The following GET1 variants were observed in gnomAD, a reference collection of about 807,000 sequenced individuals.
The protein encoded by GET1 is guided entry of tail-anchored proteins factor 1, also known as congenital heart disease 5 protein.
A neutral mutation model predicts 22.6 loss-of-function variants in GET1; 20 were observed. That is an observed-to-expected ratio of 0.89 (90% CI 0.62 to 1.29). GET1 has a LOEUF of 1.29. GET1 is among the 50% of genes most tolerant of loss of function. The pLI is 0.00. For missense variants in GET1, 209 were observed against 219.9 expected (o/e 0.95, Z 0.31); for synonymous variants, 92 against 83.8 (o/e 1.10, Z -0.53).
At chr21:39,398,421 C>T (rs187962660), downstream of GET1, among the ~76,000 whole-genome samples, 141 of 152,176 alleles carry the variant, frequency 9.3e-4, no homozygotes, top group Middle Eastern at 3.4e-3. Flanking sequence ...TGATGATACC[C>T]GTATCTCTTA....
downstream of GET1, among the ~76,000 whole-genome samples, chr21:39,399,115 C>T (rs1393421808): frequency 6.6e-6 from 1 of 152,240 alleles, no homozygotes; most frequent in East Asian, 1.9e-4. Flanking sequence ...AAATGTGCAT[C>T]TTACGACTCT....
intron 1 of GET1, among the ~76,000 whole-genome samples, chr21:39,418,521 G>C (rs1387219979): frequency 6.6e-6 from 1 of 151,334 alleles, no homozygotes; most frequent in African/African-American, 2.4e-5. Flanking sequence ...ATTTTTTTGA[G>C]ATGGAGCCTC....
At chr21:39,428,196 C>T in intron 1 of GET1, 1 of 1,592,440 alleles carries the variant, frequency 6.3e-7, no homozygotes, top group South Asian at 1.1e-5. Flanking sequence ...ATTTTAGAAA[C>T]ATTATACTTT....
At chr21:39,387,956 T>C (rs2836998) in intron 1 of GET1, 462,772 of 696,134 alleles carry the variant, frequency 0.66, 155,352 homozygotes, top group East Asian at 0.77. Flanking sequence ...TTTTTAAAAT[T>C]TCGAAACAAA....
At chr21:39,407,030 C>A (rs2039184494), downstream of GET1, among the ~76,000 whole-genome samples, 1 of 152,104 alleles carries the variant, frequency 6.6e-6, no homozygotes, top group South Asian at 2.1e-4. Context: ...AGTCTGAGAC[C>A]AGCCTGGGCA....
intron 1 of GET1, among the ~76,000 whole-genome samples, chr21:39,412,983 C>G (rs2040375920): frequency 6.6e-6 from 1 of 152,202 alleles, no homozygotes; most frequent in Non-Finnish European, 1.5e-5. Context: ...ATAGCACAGG[C>G]TTTGCAACAG....
rs963633282 is a variant in GET1, at chr21:39,391,042, C to T, written c.268+179C>T. ...ACTTTCCTCTTATTTGCTGGTGAAC[C>T]TTTGCTTTCTAAGCACAGAAATATC... is the stretch of plus-strand genomic sequence containing the variant. On this transcript the variant is annotated intron_variant, in intron 2 of 4. Coordinates refer to ENST00000649170, the MANE Select transcript of GET1 (RefSeq NM_004627.6). 12 of 595,622 alleles carry T rather than the reference C, an allele frequency of 2.0e-5. No individual in the cohort carries two copies. In the African/African-American group the frequency reaches 2.2e-4, roughly 11 times the overall value. 36.9% of individuals were successfully genotyped at this position (595,622 alleles called of 1,614,324 possible).
intron 1 of GET1, chr21:39,386,603 A>G (rs1432726933): frequency 6.6e-6 from 1 of 152,236 alleles, no homozygotes; most frequent in African/African-American, 2.4e-5. Flanking sequence ...TCAGGGACTC[A>G]GGGTGACCTG....
intron 3 of GET1, among the ~76,000 whole-genome samples, chr21:39,392,339 C>T (rs932223084): frequency 5.3e-5 from 8 of 152,144 alleles, no homozygotes; most frequent in South Asian, 2.1e-4. Flanking sequence ...TGCTCTGCCC[C>T]GAGAGTGCAG....
At chr21:39,427,483 A>T (rs1313019838) in intron 1 of GET1, among the ~76,000 whole-genome samples, 2 of 152,062 alleles carry the variant, frequency 1.3e-5, no homozygotes, top group Non-Finnish European at 2.9e-5. Context: ...TAACACGGTG[A>T]AACCCTGTCT....
At chr21:39,389,521 T>A (rs1022523786) in intron 1 of GET1, among the ~76,000 whole-genome samples, 1 of 152,192 alleles carries the variant, frequency 6.6e-6, no homozygotes, top group Non-Finnish European at 1.5e-5. Context: ...ATTTCTGTGA[T>A]CACCCTTTTG....
At chr21:39,391,288 A>C (rs2038278759) in intron 2 of GET1, 1 of 223,368 alleles carries the variant, frequency 4.5e-6, no homozygotes, top group Admixed American at 5.3e-5. Context: ...CCTGTGATGA[A>C]GAGCGCTTTC....
exon 5 of GET1, chr21:39,406,484 TTGG>T: frequency 1.2e-6 from 2 of 1,613,978 alleles, no homozygotes; most frequent in Non-Finnish European, 1.7e-6. Context: ...TCAATTATTT[TTGG>T]TGGTAGTTCT....
downstream of GET1, chr21:39,410,206 G>T: frequency 1.6e-6 from 2 of 1,258,108 alleles, no homozygotes; most frequent in Non-Finnish European, 2.3e-6. Flanking sequence ...AGTGACTGTA[G>T]CCTATTTTTG....
downstream of GET1, chr21:39,410,856 A>G (rs1049303218): frequency 2.1e-6 from 1 of 471,110 alleles, no homozygotes; most frequent in Non-Finnish European, 4.4e-6. Context: ...TATAAGCCAG[A>G]AGCAAACAAA....
At chr21:39,420,870 T>A (rs779931133) in intron 1 of GET1, 1 of 1,564,644 alleles carries the variant, frequency 6.4e-7, no homozygotes, top group Non-Finnish European at 8.7e-7. Flanking sequence ...TTATAACTAT[T>A]CTGCAACCAA....
chr21:39,423,454 C>T, intron 1 of GET1: 1 of 1,573,068 alleles, frequency 6.4e-7, no homozygotes, highest in Non-Finnish European at 8.6e-7. Context: ...TGATGCATTC[C>T]AGGTGTGCTT....
At chr21:39,410,003 C>T (rs755958186), downstream of GET1, 32 of 1,573,940 alleles carry the variant, frequency 2.0e-5, no homozygotes, top group African/African-American at 2.7e-5. Flanking sequence ...TTAGAATCCT[C>T]TTGCTTTGGT....
At chr21:39,403,211 C>G (rs1482217576) in intron 4 of GET1, among the ~76,000 whole-genome samples, 3 of 152,246 alleles carry the variant, frequency 2.0e-5, no homozygotes, top group Non-Finnish European at 2.9e-5. Context: ...AGCTCTCCCT[C>G]CCTGCCTCCC....
Sources: allele counts gnomAD v4.1 joint callset (sites outside exome capture counted in the v4.1 genomes callset), GRCh38; gene constraint gnomAD v4.1.1; transcripts MANE v1.5; gene names NCBI Gene and HGNC (gene_info 2026-07-23, HGNC 2026-07-21).